Variants in GRIA2 observed in about 807,000 individuals in gnomAD.
GRIA2 encodes the protein glutamate receptor 2.
In GRIA2, 14 loss-of-function variants were observed where a neutral mutation model predicts 97.3. The observed-to-expected ratio is 0.14, with a 90% CI of 0.10 to 0.23. The LOEUF is 0.23. Among genes scored for constraint, GRIA2 ranks in the 10% least tolerant of loss-of-function variants. GRIA2 has a pLI of 1.00. For synonymous variants in GRIA2, 412 were observed against 387.8 expected (o/e 1.06, Z -0.73); for missense variants, 558 against 1,069.8 (o/e 0.52, Z 6.67).
At chr4:157,257,709 A>T (rs1731341215) in intron 2 of GRIA2, among the ~76,000 whole-genome samples, 1 of 152,104 alleles carries the variant, frequency 6.6e-6, no homozygotes, top group Admixed American at 6.6e-5. Flanking sequence ...TACTAGAAAT[A>T]ATTTTATCCA....
intron 2 of GRIA2, among the ~76,000 whole-genome samples, chr4:157,289,994 A>T (rs1733021780): frequency 1.3e-5 from 2 of 151,818 alleles, no homozygotes; most frequent in Admixed American, 6.6e-5. Context: ...TAACTTGGGA[A>T]ACTTACCTGT....
intron 14 of GRIA2, 140 bp from the exon 15 acceptor site, chr4:157,362,659 A>C: frequency 1.3e-6 from 1 of 755,052 alleles, no homozygotes; most frequent in East Asian, 2.5e-5. Context: ...GGACCATCTA[A>C]GAGAAAATCC....
chr4:157,334,362 A>C, intron 9 of GRIA2: 1 of 377,890 alleles, frequency 2.6e-6, no homozygotes, highest in East Asian at 4.9e-5. Context: ...CCTGGTGCTT[A>C]CATCGGTGAA....
intron 2 of GRIA2, among the ~76,000 whole-genome samples, chr4:157,227,651 A>G (rs1729807592): frequency 6.6e-6 from 1 of 152,208 alleles, no homozygotes. Context: ...TTGAAATGTT[A>G]ATGGCAGCTG....
chr4:157,284,552 A>G (rs1732751602), intron 2 of GRIA2, among the ~76,000 whole-genome samples: 1 of 151,774 alleles, frequency 6.6e-6, no homozygotes, highest in Non-Finnish European at 1.5e-5. Flanking sequence ...TTACCAATAC[A>G]ATTGAGATGT....
intron 12 of GRIA2, among the ~76,000 whole-genome samples, chr4:157,347,318 T>C (rs1735804227): frequency 6.6e-6 from 1 of 152,180 alleles, no homozygotes; most frequent in African/African-American, 2.4e-5. Context: ...CCAATGTCAA[T>C]GTGCTCTGTA....
chr4:157,307,916 G>C lies in GRIA2; in HGVS notation c.469+4125G>C, dbSNP rs185313984. ...TCATATTCCTGAGAGAGCTGATGAG[G>C]GAAATATATGTTAATCTAATTTGGC... On this transcript the variant is annotated intron_variant, in intron 3 of 15. Coordinates refer to ENST00000264426, the MANE Select transcript of GRIA2 (RefSeq NM_001083619.3). Among the ~76,000 whole-genome samples, 339 of 152,276 alleles carry C rather than the reference G, an allele frequency of 2.2e-3. 1 individual carries two copies. The highest frequency in any genetic ancestry group is 8.0e-3 in the African/African-American group (332 of 41,568).
At chr4:157,340,218 A>G (rs538011886) in intron 11 of GRIA2, among the ~76,000 whole-genome samples, 56 of 152,050 alleles carry the variant, frequency 3.7e-4, no homozygotes, top group African/African-American at 1.2e-3. Context: ...CATGATCTAA[A>G]TTTTTAGAAC....
chr4:157,255,719 C>T lies in GRIA2; in HGVS notation c.229+33912C>T, dbSNP rs932351482. Reference sequence around the variant, plus strand: ...CAGAATGGGAGAAAATATTTGCAAACTATGCATCCAGCAGGGGTGTGATAT... The same window carrying T: ...CAGAATGGGAGAAAATATTTGCAAATTATGCATCCAGCAGGGGTGTGATAT... On this transcript the variant is annotated intron_variant, in intron 2 of 15. Coordinates refer to ENST00000264426, the MANE Select transcript of GRIA2 (RefSeq NM_001083619.3). Among the ~76,000 whole-genome samples the T allele has an allele frequency of 2.6e-5, 4 of 151,984 alleles. No homozygotes were observed. The East Asian group carries it at 7.8e-4, about 29-fold the overall frequency.
At position 157,364,681 on chromosome 4, in the gene GRIA2, A is replaced by C. The variant is rs2127008959; in HGVS notation, c.*1250A>C. The C allele has an allele frequency of 6.6e-6, 1 of 152,292 alleles. No individual in the cohort carries two copies. Among genetic ancestry groups the C allele is most frequent in the African/African-American group, 2.4e-5 (1 of 41,530 alleles). 9.4% of individuals were successfully genotyped at this position (152,292 alleles called of 1,614,324 possible). On this transcript the variant is annotated 3_prime_UTR_variant, in exon 16 of 16. Coordinates refer to ENST00000264426, the MANE Select transcript of GRIA2 (RefSeq NM_001083619.3). ...TCTTTAGATAGTTGCCCATTGATTA[A>C]ATTCCAAAAACTAAATATGTTTTTA...
In GRIA2 at chr4:157,332,911, G is replaced by A. The variant is rs1332041295; in HGVS notation, c.975G>A (p.Gly325=). Residue 325 remains glycine (G), a synonymous_variant, in exon 7 of 16, where the codon GGG becomes GGA. Transcript: ENST00000264426. The part of the protein sequence containing the change: ...RKQRIEISRR[G]NAGDCLANPA... Reference sequence around the variant, plus strand: ...AAAGAATTGAAATCTCCCGAAGGGGGAATGCAGGAGACTGTCTGGCAAACC... The same window carrying A: ...AAAGAATTGAAATCTCCCGAAGGGGAAATGCAGGAGACTGTCTGGCAAACC... 2 of 1,612,468 alleles carry A rather than the reference G, an allele frequency of 1.2e-6. No individual in the cohort carries two copies. The highest frequency in any genetic ancestry group is 1.3e-5 in the African/African-American group (1 of 74,794).
chr4:157,279,696 C>G (rs1026344793), intron 2 of GRIA2, among the ~76,000 whole-genome samples: 5 of 151,958 alleles, frequency 3.3e-5, no homozygotes, highest in Non-Finnish European at 7.4e-5. Flanking sequence ...GTTTATTCAC[C>G]CTAACACCTT....
chr4:157,314,029 T>C (rs1197270668), intron 4 of GRIA2, among the ~76,000 whole-genome samples: 1 of 152,118 alleles, frequency 6.6e-6, no homozygotes, highest in African/African-American at 2.4e-5. Flanking sequence ...ATCTTCACAT[T>C]GAGTAGGCTG....
chr4:157,291,732 T>G (rs1733113676), intron 2 of GRIA2, among the ~76,000 whole-genome samples: 1 of 151,942 alleles, frequency 6.6e-6, no homozygotes, highest in South Asian at 2.1e-4. Context: ...AGAAATAATT[T>G]CACAAAGTAG....
chr4:157,244,841 C>T (rs186621963), intron 2 of GRIA2, among the ~76,000 whole-genome samples: 1 of 152,068 alleles, frequency 6.6e-6, no homozygotes, highest in East Asian at 1.9e-4. Context: ...CAGGCTGAAT[C>T]AGAGTTGCTA....
intron 2 of GRIA2, among the ~76,000 whole-genome samples, chr4:157,289,604 G>A (rs1160530997): frequency 1.3e-5 from 2 of 151,662 alleles, no homozygotes; most frequent in South Asian, 2.1e-4. Context: ...TTGTTACTTC[G>A]AATTGTTTTC....
intron 2 of GRIA2, among the ~76,000 whole-genome samples, chr4:157,222,988 C>T (rs903887661): frequency 1.3e-5 from 2 of 152,186 alleles, no homozygotes; most frequent in Admixed American, 6.5e-5. Context: ...CCCTAATATT[C>T]GCAGTCGTTA....
chr4:157,330,093 A>T (rs1415598743), intron 6 of GRIA2, among the ~76,000 whole-genome samples: 1 of 151,974 alleles, frequency 6.6e-6, no homozygotes, highest in African/African-American at 2.4e-5. Context: ...GAACAAGGTA[A>T]ACATGAATAT....
intron 2 of GRIA2, among the ~76,000 whole-genome samples, chr4:157,302,887 ATAT>A: frequency 6.6e-6 from 1 of 152,296 alleles, no homozygotes; most frequent in East Asian, 1.9e-4. Context: ...ATACAATACT[ATAT>A]TATTATTTGT....
Sources: gnomAD v4.1 joint callset for allele counts (sites outside exome capture counted in the v4.1 genomes callset) on GRCh38, gnomAD v4.1.1 for gene constraint, MANE v1.5 for transcripts, NCBI Gene and HGNC (gene_info 2026-07-23, HGNC 2026-07-21) for gene names.